ZNF726: variants seen among roughly 807,000 people sequenced by gnomAD.
ZNF726 encodes zinc finger protein 92 pseudogene 3.
ZNF726 carries 15 observed loss-of-function variants against 11.6 expected under a neutral mutation model. That is an observed-to-expected ratio of 1.29 (90% CI 0.86 to 1.99). The LOEUF (loss-of-function observed/expected upper bound fraction) is 1.99. ZNF726 is among the 30% of genes most tolerant of loss of function. ZNF726 has a pLI of 0.00. For missense variants in ZNF726, 890 were observed against 725.6 expected, an observed-to-expected ratio of 1.23 and a Z score of -2.60; for synonymous variants, 295 against 243.6, an observed-to-expected ratio of 1.21 and a Z score of -1.96.
intron 3 of ZNF726, among the ~76,000 whole-genome samples, chr19:23,931,231 C>T (rs1968097753): frequency 6.6e-6 from 1 of 152,328 alleles, no homozygotes; most frequent in African/African-American, 2.4e-5. Context: ...CTCAGCCTCC[C>T]GAAGTGCCGG....
chr19:23,927,643 T>C (rs970979676), intron 3 of ZNF726: 1 of 152,112 alleles, frequency 6.6e-6, no homozygotes, highest in African/African-American at 2.4e-5. Flanking sequence ...AAACATAACG[T>C]ACCATGTCTG....
intron 4 of ZNF726, chr19:23,943,649 G>A (rs1395124870): frequency 3.9e-6 from 2 of 519,082 alleles, no homozygotes; most frequent in Non-Finnish European, 7.1e-6. Flanking sequence ...CAAAAAGAAT[G>A]CCAGACTTTA....
At chr19:23,942,916 T>C (rs1042139847) in intron 3 of ZNF726, among the ~76,000 whole-genome samples, 2 of 152,226 alleles carry the variant, frequency 1.3e-5, no homozygotes, top group Middle Eastern at 6.3e-3. Flanking sequence ...TCTGTGTCTT[T>C]TAATTGGAGC....
chr19:23,935,011 A>C (rs1270800785), downstream of ZNF726, among the ~76,000 whole-genome samples: 1 of 152,230 alleles, frequency 6.6e-6, no homozygotes, highest in Non-Finnish European at 1.5e-5. Flanking sequence ...ACACCATAGC[A>C]TGGGTGAGGG....
intron 3 of ZNF726, among the ~76,000 whole-genome samples, chr19:23,925,283 AT>A (rs1359007291): frequency 6.6e-6 from 1 of 152,164 alleles, no homozygotes; most frequent in Non-Finnish European, 1.5e-5. Flanking sequence ...TTAATAATTT[AT>A]ATTATTTGAA....
Position 23,933,177 on chromosome 19 carries a change from GA to G in ZNF726, c.1062del (p.His355ThrfsTer7). On this transcript the variant is annotated frameshift_variant, in exon 4 of 4. Coordinates refer to ENST00000594466, the MANE Select transcript of ZNF726 (RefSeq NM_001244038.2). LOFTEE classifies it low-confidence loss of function (END_TRUNC). The part of the protein sequence containing the change: ...EECAKAFSQF[G>X]HLTTHRIIHT... ...TGTGCCAAAGCTTTTAGCCAATTCG[GA>G]CACCTTACTACACATAGGATAATTC... 1 of 1,592,354 alleles carries G rather than the reference GA, an allele frequency of 6.3e-7. No homozygotes were observed. The highest frequency in any genetic ancestry group is 8.5e-7 in the Non-Finnish European group (1 of 1,170,958).
At position 23,933,464 on chromosome 19, in the gene ZNF726, G is replaced by C. The variant is rs1568380702; in HGVS notation, c.1348G>C (p.Glu450Gln). 6.2e-7 allele frequency: 1 copy of C among 1,612,302 alleles called. No homozygotes were observed. The highest frequency in any genetic ancestry group is 8.5e-7 in the Non-Finnish European group (1 of 1,179,608). ...TGAACATAAGAAAATTCATACTAGA[G>C]AGAAACCCTACAAATGTGAAGAATG... ...LTEHKKIHTR[E>Q]KPYKCEECSK... The change falls in exon 4 of 4, where the codon GAG (glutamate) becomes CAG (glutamine). Residue 450 changes from glutamate (E) to glutamine (Q), a missense_variant. Physicochemically the swap from Glu to Gln is conservative, Grantham distance 29. Coordinates refer to ENST00000594466, the MANE Select transcript of ZNF726 (RefSeq NM_001244038.2).
At chr19:23,936,332 T>C (rs1968230469), downstream of ZNF726, among the ~76,000 whole-genome samples, 1 of 152,210 alleles carries the variant, frequency 6.6e-6, no homozygotes, top group Admixed American at 6.5e-5. Context: ...ACATTATTTG[T>C]ATATAACTTT....
chr19:23,930,242 T>C (rs1426883060), intron 3 of ZNF726, among the ~76,000 whole-genome samples: 3 of 152,204 alleles, frequency 2.0e-5, no homozygotes, highest in Admixed American at 6.5e-5. Context: ...TTTTATTACA[T>C]CAAAATTTGG....
intron 3 of ZNF726, among the ~76,000 whole-genome samples, chr19:23,922,440 A>G (rs902703951): frequency 6.6e-6 from 1 of 152,186 alleles, no homozygotes; most frequent in South Asian, 2.1e-4. Context: ...CATCATGGCT[A>G]TAAATGGAGG....
At position 23,932,343 on chromosome 19, in the gene ZNF726, G is replaced by T. The variant is rs780030674; in HGVS notation, c.227G>T (p.Gly76Val). ...GTAAATTATTTTAATTTTTTTTTAG[G>T]TATATGTCCTCATTTTGCTCAAGAC... ...KRDEMVDEPP[G>V]ICPHFAQDIW... The change falls in exon 4 of 4, where the codon GGT becomes GTT. Residue 76 changes from glycine (G) to valine (V), a missense_variant and splice_region_variant. Gly to Val is a moderately radical substitution (Grantham distance 109). Coordinates refer to ENST00000594466, the MANE Select transcript of ZNF726 (RefSeq NM_001244038.2). 116 of 1,389,558 alleles carry T rather than the reference G, an allele frequency of 8.3e-5. No individual in the cohort carries two copies. Among genetic ancestry groups the T allele is most frequent in the Non-Finnish European group, 1.1e-4 (113 of 1,070,082 alleles). The allele number at this position is 1,389,558 out of a possible 1,614,324, so 86.1% of individuals were successfully genotyped here. A position where few individuals can be genotyped will look rare whatever the true frequency, so the allele number is the denominator to read the frequency against.
chr19:23,939,091 C>T (rs1351353791), downstream of ZNF726, among the ~76,000 whole-genome samples: 1 of 151,906 alleles, frequency 6.6e-6, no homozygotes, highest in Non-Finnish European at 1.5e-5. Flanking sequence ...ATATACTGCA[C>T]CATATATGTT....
downstream of ZNF726, among the ~76,000 whole-genome samples, chr19:23,938,285 A>G (rs957429704): frequency 6.6e-6 from 1 of 152,220 alleles, no homozygotes; most frequent in Non-Finnish European, 1.5e-5. Context: ...CAGGCATGTG[A>G]TATATAATCT....
intron 4 of ZNF726, chr19:23,943,598 G>A (rs940812514): frequency 4.9e-6 from 3 of 615,742 alleles, no homozygotes; most frequent in South Asian, 2.0e-5. Flanking sequence ...AGGTAGGTAA[G>A]CATGAATGAA....
Position 23,943,587 on chromosome 19 carries a change from CAGGT to C in ZNF726, c.322+4_322+7del, listed in dbSNP as rs1379483905. 11 of 630,758 alleles carry C rather than the reference CAGGT, an allele frequency of 1.7e-5. No individual in the cohort carries two copies. The highest frequency in any genetic ancestry group is 1.6e-4 in the East Asian group (6 of 37,046). 39.1% of individuals were successfully genotyped at this position (630,758 alleles called of 1,614,324 possible). Reference sequence around the variant, plus strand: ...AGACATGAGACAGTAGTCAAATACTCAGGTAGGTAAGCATGAATGAAGCCGATAA... The same window carrying C: ...AGACATGAGACAGTAGTCAAATACTCAGGTAAGCATGAATGAAGCCGATAA... On this transcript the variant is annotated splice_donor_variant and coding_sequence_variant, in exon 4 of 5. Transcript: ENST00000334589. LOFTEE classifies it high-confidence loss of function.
At chr19:23,935,472 T>C (rs1040962015), downstream of ZNF726, 1 of 497,392 alleles carries the variant, frequency 2.0e-6, no homozygotes, top group Non-Finnish European at 4.0e-6. Context: ...CAAGTGTGAA[T>C]AATATGGAAA....
In ZNF726 at chr19:23,933,255, G is replaced by A; in HGVS notation, c.1139G>A (p.Trp380Ter). The A allele has an allele frequency of 5.6e-6, 9 of 1,599,540 alleles. No homozygotes were observed. Among genetic ancestry groups the A allele is most frequent in the Non-Finnish European group, 7.7e-6 (9 of 1,174,594 alleles). ...GAAGAATGTGGCAAAGCATTTATAT[G>A]GCCCTCAACCCTAACTAAACATAAG... is the stretch of plus-strand genomic sequence containing the variant. The part of the protein sequence containing the change: ...KCEECGKAFI[W>*]PSTLTKHKRI... Residue 380 changes from tryptophan to a stop codon, truncating the protein, a stop_gained, in exon 4 of 4, where the codon TGG becomes TAG. Coordinates refer to ENST00000594466, the MANE Select transcript of ZNF726 (RefSeq NM_001244038.2). LOFTEE classifies it low-confidence loss of function (END_TRUNC).
At chr19:23,923,371 T>C (rs529443897) in intron 3 of ZNF726, 1 of 410,958 alleles carries the variant, frequency 2.4e-6, no homozygotes, top group Admixed American at 3.0e-5. Context: ...GTACTGCATT[T>C]TCTCTGAAAT....
intron 3 of ZNF726, chr19:23,923,871 C>T (rs1010924409): frequency 6.6e-6 from 1 of 152,148 alleles, no homozygotes; most frequent in Non-Finnish European, 1.5e-5. Flanking sequence ...GTTTATTGTG[C>T]CTATTGGTTT....
Sources: allele counts gnomAD v4.1 joint callset (sites outside exome capture counted in the v4.1 genomes callset), GRCh38; gene constraint gnomAD v4.1.1; transcripts MANE v1.5; gene names NCBI Gene and HGNC (gene_info 2026-07-23, HGNC 2026-07-21).